FAM78A: variants seen among roughly 807,000 people sequenced by gnomAD.
FAM78A encodes protein FAM78A.
FAM78A carries 12 observed loss-of-function variants against 22.6 expected under a neutral mutation model. The ratio of observed to expected loss-of-function variants is 0.53; its 90% CI spans 0.34 to 0.86. The LOEUF is 0.86. Among genes scored for constraint, FAM78A ranks in the 40% least tolerant of loss-of-function variants. The probability of loss-of-function intolerance (pLI) is 0.02; values close to 1 mark genes in which losing one functional copy is unlikely to be tolerated. For missense variants in FAM78A, 322 were observed against 396.1 expected (o/e 0.81, Z 1.59); for synonymous variants, 151 against 155.8 (o/e 0.97, Z 0.23).
chr9:131,260,629 A>T lies in FAM78A; in HGVS notation c.*193T>A, dbSNP rs915239802. 1.1e-5 allele frequency: 6 copies of T among 569,526 alleles called. No homozygotes were observed. Among genetic ancestry groups the T allele is most frequent in the Non-Finnish European group, 1.7e-5 (6 of 343,362 alleles). 35.3% of individuals were successfully genotyped at this position (569,526 alleles called of 1,614,324 possible). ...CGTGGGGTCTGTCTGTCCTGCTTAG[A>T]TCTCCCCTCTCCCTGAAAGGAAGCA... On this transcript the variant is annotated 3_prime_UTR_variant, in exon 2 of 2. Transcript: ENST00000372271. The surrounding 1 kb of genome is among the most constrained non-coding windows in gnomAD (Gnocchi z 5.4).
In FAM78A at chr9:131,275,421, T is replaced by C. The variant is rs1455932355; in HGVS notation, c.323+436A>G. Among the ~76,000 whole-genome samples the C allele has an allele frequency of 1.3e-5, 2 of 152,208 alleles. No individual in the cohort carries two copies. The highest frequency in any genetic ancestry group is 2.9e-5 in the Non-Finnish European group (2 of 68,020). Reference sequence around the variant, plus strand: ...TCGCAAAGCCCTGAACACACCGGTCTGGGAGTTGCAGAGTGCCTGAATGTC... The same window carrying C: ...TCGCAAAGCCCTGAACACACCGGTCCGGGAGTTGCAGAGTGCCTGAATGTC... On this transcript the variant is annotated intron_variant, in intron 1 of 1. Coordinates refer to ENST00000372271, the MANE Select transcript of FAM78A (RefSeq NM_033387.4). The surrounding 1 kb of genome is among the most constrained non-coding windows in gnomAD (Gnocchi z 4.6).
rs181142991 is a variant in FAM78A, at chr9:131,271,862, G to T, written c.323+3995C>A. On this transcript the variant is annotated intron_variant, in intron 1 of 1. Coordinates refer to ENST00000372271, the MANE Select transcript of FAM78A (RefSeq NM_033387.4). ...GCAGTTGAGGAATTGCGGGGGCCGGGCTGTGGAGGCAGGTGTCTCCAACAA... is the reference window on the plus strand; with the variant it reads ...GCAGTTGAGGAATTGCGGGGGCCGGTCTGTGGAGGCAGGTGTCTCCAACAA... 3.2e-3 allele frequency among the ~76,000 whole-genome samples: 486 copies of T among 152,034 alleles called. 5 individuals are homozygous for T. The highest frequency in any genetic ancestry group is 5.2e-3 in the Non-Finnish European group (353 of 67,968).
At chr9:131,266,416 T>C (rs149238975) in intron 1 of FAM78A, among the ~76,000 whole-genome samples, 113 of 152,212 alleles carry the variant, frequency 7.4e-4, no homozygotes, top group African/African-American at 2.6e-3. Context: ...TCTCAGCTGC[T>C]GCAGTGGGCC....
At position 131,261,402 on chromosome 9, in the gene FAM78A, C is replaced by G; in HGVS notation, c.324-52G>C. 1.4e-6 allele frequency: 2 copies of G among 1,476,470 alleles called. No homozygotes were observed. Among genetic ancestry groups the G allele is most frequent in the Non-Finnish European group, 8.9e-7 (1 of 1,118,546 alleles). The allele number at this position is 1,476,470 out of a possible 1,614,324, so 91.5% of individuals were successfully genotyped here. ...CACTCGGTCACTCAAGGAGGGCTTT[C>G]TGTGTCCCCCTGGCAGGCCAGGGGC... On this transcript the variant is annotated intron_variant, in intron 1 of 1. Transcript: ENST00000372271. This position sits in a 1 kb window ranked among gnomAD's most constrained non-coding sequence, Gnocchi z 7.1.
chr9:131,260,960 G>A lies in FAM78A; in HGVS notation c.714C>T (p.Asp238=), dbSNP rs1835256870. The change falls in exon 2 of 2, where the codon GAC becomes GAT. Residue 238 remains aspartate, a synonymous_variant. Coordinates refer to ENST00000372271, the MANE Select transcript of FAM78A (RefSeq NM_033387.4). This position sits in a 1 kb window ranked among gnomAD's most constrained non-coding sequence, Gnocchi z 5.4. ...RARLREPIAQ[D]QPKILSKNEP... ...CATTCTTGCTCAGGATTTTGGGCTG[G>A]TCCTGGGCGATGGGCTCCCGCAGCC... The A allele has an allele frequency of 3.1e-6, 5 of 1,612,422 alleles. No individual in the cohort carries two copies. The highest frequency in any genetic ancestry group is 1.3e-5 in the African/African-American group (1 of 74,910).
chr9:131,268,559 C>G (rs566673096), intron 1 of FAM78A, among the ~76,000 whole-genome samples: 8 of 152,352 alleles, frequency 5.3e-5, no homozygotes, highest in African/African-American at 1.9e-4. Context: ...TCACTGGGAT[C>G]TCACAAGGGG....
At chr9:131,271,674 C>T (rs1390369319) in intron 1 of FAM78A, among the ~76,000 whole-genome samples, 1 of 152,260 alleles carries the variant, frequency 6.6e-6, no homozygotes, top group Non-Finnish European at 1.5e-5. Flanking sequence ...GAATCCTGAG[C>T]CATAAACTGC....
upstream of FAM78A, among the ~76,000 whole-genome samples, chr9:131,279,232 C>T (rs1338558444): frequency 6.6e-6 from 1 of 152,224 alleles, no homozygotes; most frequent in Non-Finnish European, 1.5e-5. Context: ...CCAGACAGCA[C>T]ACAGATTACA....
intron 1 of FAM78A, among the ~76,000 whole-genome samples, chr9:131,262,267 C>T (rs940144178): frequency 6.7e-5 from 10 of 149,836 alleles, no homozygotes; most frequent in African/African-American, 2.5e-4. Context: ...GCCGAGATCA[C>T]GCCATGCACT....
At chr9:131,279,079 C>G (rs974995224), upstream of FAM78A, among the ~76,000 whole-genome samples, 2 of 152,270 alleles carry the variant, frequency 1.3e-5, no homozygotes, top group South Asian at 2.1e-4. Context: ...CACCCCAGCA[C>G]TGCTATGGCC....
chr9:131,278,052 G>A (rs1207246436), upstream of FAM78A, among the ~76,000 whole-genome samples: 1 of 147,358 alleles, frequency 6.8e-6, no homozygotes, highest in Non-Finnish European at 1.5e-5. Flanking sequence ...AGGCGGCGGC[G>A]GCGGCGGCGG....
At position 131,269,697 on chromosome 9, in the gene FAM78A, G is replaced by T. The variant is rs556280241; in HGVS notation, c.323+6160C>A. On this transcript the variant is annotated intron_variant, in intron 1 of 1. Transcript: ENST00000372271. ...TCGCCATGTTGGCCAGGCTGGTCTC[G>T]AACTCCTGACCTCAGATGATCCACC... Among the ~76,000 whole-genome samples the T allele has an allele frequency of 4.8e-3, 734 of 152,114 alleles. 10 individuals are homozygous for T. Among genetic ancestry groups the T allele is most frequent in the African/African-American group, 0.017 (708 of 41,538 alleles).
chr9:131,270,124 T>A (rs188044049), intron 1 of FAM78A, among the ~76,000 whole-genome samples: 4 of 151,256 alleles, frequency 2.6e-5, no homozygotes, highest in Admixed American at 2.6e-4. Context: ...GAGAATCGCT[T>A]GAACCCGGGA....
At position 131,258,761 on chromosome 9, in the gene FAM78A, C is replaced by T. The variant is rs1435079226; in HGVS notation, c.*2061G>A. On this transcript the variant is annotated 3_prime_UTR_variant, in exon 2 of 2. Transcript: ENST00000372271. ...TCCCAGCCCTGTCCCCACCCATCCT[C>T]AGACATGCAGCTGGGACCCACTGTT... 6.6e-5 allele frequency: 10 copies of T among 152,256 alleles called. No homozygotes were observed. Among genetic ancestry groups the T allele is most frequent in the Non-Finnish European group, 1.2e-4 (8 of 68,044 alleles). The allele number at this position is 152,256 out of a possible 1,614,324, so 9.4% of individuals were successfully genotyped here.
intron 1 of FAM78A, chr9:131,262,696 A>G (rs1213765394): frequency 6.6e-6 from 1 of 152,164 alleles, no homozygotes; most frequent in East Asian, 1.9e-4. Context: ...CGTACAATGG[A>G]ATGTTCTTCA....
rs1306106747 is a variant in FAM78A, at chr9:131,260,888, G to A, written c.786C>T (p.Ala262=). ...SALVKPNAND[A]QVLMWRPKYG... ...ACTTGGGCCGCCACATGAGGACCTG[G>A]GCATCGTTGGCATTGGGCTTGACCA... The change falls in exon 2 of 2, where the codon GCC becomes GCT. Residue 262 remains alanine, a synonymous_variant. Coordinates refer to ENST00000372271, the MANE Select transcript of FAM78A (RefSeq NM_033387.4). The surrounding 1 kb of genome is among the most constrained non-coding windows in gnomAD (Gnocchi z 5.4). 6 of 1,549,706 alleles carry A rather than the reference G, an allele frequency of 3.9e-6. No individual in the cohort carries two copies. In the African/African-American group the frequency reaches 4.1e-5, roughly 11 times the overall value.
In FAM78A at chr9:131,272,958, A is replaced by C. The variant is rs1428328203; in HGVS notation, c.323+2899T>G. 1.3e-5 allele frequency among the ~76,000 whole-genome samples: 2 copies of C among 152,064 alleles called. No homozygotes were observed. Among genetic ancestry groups the C allele is most frequent in the African/African-American group, 4.8e-5 (2 of 41,406 alleles). ...AAAAATAAATAAATAAAAATAAATAAAAATTAAAAAAAAGATAACTAAATC... is the reference window on the plus strand; with the variant it reads ...AAAAATAAATAAATAAAAATAAATACAAATTAAAAAAAAGATAACTAAATC... On this transcript the variant is annotated intron_variant, in intron 1 of 1. Coordinates refer to ENST00000372271, the MANE Select transcript of FAM78A (RefSeq NM_033387.4). The surrounding 1 kb of genome is among the most constrained non-coding windows in gnomAD (Gnocchi z 4.1).
chr9:131,275,947 G>C lies in FAM78A; in HGVS notation c.233C>G (p.Pro78Arg), dbSNP rs765307830. ...CCAAGTCTCCTTCTTGGGGATGGGC[G>C]GCATGACCACCTGGGCCGAGGCCCG... The part of the protein sequence containing the change: ...HFRASAQVVM[P>R]PIPKKETWVV... Residue 78 changes from proline (P) to arginine (R), a missense_variant, in exon 1 of 2, where the codon CCG becomes CGG. Physicochemically the swap from Pro to Arg is moderately radical, Grantham distance 103. Transcript: ENST00000372271. This position sits in a 1 kb window ranked among gnomAD's most constrained non-coding sequence, Gnocchi z 4.6. 7 of 1,613,460 alleles carry C rather than the reference G, an allele frequency of 4.3e-6. No homozygotes were observed. Among genetic ancestry groups the C allele is most frequent in the Admixed American group, 1.7e-5 (1 of 60,002 alleles).
intron 1 of FAM78A, among the ~76,000 whole-genome samples, chr9:131,270,771 A>G (rs1588199894): frequency 1.3e-5 from 2 of 152,270 alleles, no homozygotes; most frequent in East Asian, 3.9e-4. Flanking sequence ...ACATTCCTCC[A>G]TGGCCTGTCC....
Sources: allele counts gnomAD v4.1 joint callset (sites outside exome capture counted in the v4.1 genomes callset), GRCh38; gene constraint gnomAD v4.1.1; non-coding constraint Gnocchi (gnomAD v3.1); transcripts MANE v1.5; gene names NCBI Gene and HGNC (gene_info 2026-07-23, HGNC 2026-07-21).